LINGO2: variants seen among roughly 807,000 people sequenced by gnomAD.
LINGO2 encodes the protein leucine-rich repeat and immunoglobulin-like domain-containing nogo receptor-interacting protein 2.
A neutral mutation model predicts 30.6 loss-of-function variants in LINGO2; 14 were observed. That is an observed-to-expected ratio of 0.46 (90% CI 0.30 to 0.72). LINGO2 has a LOEUF of 0.72. LINGO2 is among the 30% of genes least tolerant of loss of function. The pLI is 0.07. For missense variants in LINGO2, 729 were observed against 751.7 expected, an observed-to-expected ratio of 0.97 and a Z score of 0.35; for synonymous variants, 317 against 288.5, an observed-to-expected ratio of 1.10 and a Z score of -1.00.
the LINGO2 span, among the ~76,000 whole-genome samples, chr9:28,793,682 C>T: frequency 6.6e-6 from 1 of 152,124 alleles, no homozygotes; most frequent in Non-Finnish European, 1.5e-5. Flanking sequence ...TATAACACAT[C>T]AGAGCAACAG....
the LINGO2 span, among the ~76,000 whole-genome samples, chr9:29,029,528 C>A: frequency 2.6e-5 from 4 of 152,004 alleles, no homozygotes; most frequent in Admixed American, 2.6e-4. Context: ...TCCCCAGAAA[C>A]CCATTATTTG....
intron 4 of LINGO2, among the ~76,000 whole-genome samples, chr9:28,143,848 T>C (rs1164987906): frequency 6.6e-6 from 1 of 152,106 alleles, no homozygotes; most frequent in African/African-American, 2.4e-5. Context: ...AGAAATATTT[T>C]AATCCAGAGA....
the LINGO2 span, among the ~76,000 whole-genome samples, chr9:28,777,318 T>C: frequency 5.3e-5 from 8 of 152,242 alleles, no homozygotes; most frequent in African/African-American, 1.2e-4. Flanking sequence ...AAGGGAGGCA[T>C]AGAAACTTGA....
At chr9:29,026,184 C>T in the LINGO2 span, among the ~76,000 whole-genome samples, 1 of 152,010 alleles carries the variant, frequency 6.6e-6, no homozygotes, top group Non-Finnish European at 1.5e-5. Flanking sequence ...AGGCGCACAC[C>T]ACCATGTCCA....
intron 4 of LINGO2, among the ~76,000 whole-genome samples, chr9:28,109,648 G>C (rs1047025781): frequency 2.0e-5 from 3 of 152,126 alleles, no homozygotes; most frequent in Admixed American, 6.5e-5. Flanking sequence ...ATTCACAATT[G>C]CTTCAAAGAG....
the LINGO2 span, among the ~76,000 whole-genome samples, chr9:28,945,285 T>C: frequency 6.6e-6 from 1 of 152,192 alleles, no homozygotes; most frequent in African/African-American, 2.4e-5. Context: ...TGAAAGCAAC[T>C]GGTTATTAAA....
the LINGO2 span, among the ~76,000 whole-genome samples, chr9:28,731,405 G>A: frequency 6.6e-6 from 1 of 152,100 alleles, no homozygotes; most frequent in African/African-American, 2.4e-5. Flanking sequence ...TAACTTGGTT[G>A]AATCTCCAGG....
At chr9:28,646,622 T>C (rs994976820) in intron 1 of LINGO2, among the ~76,000 whole-genome samples, 1 of 152,096 alleles carries the variant, frequency 6.6e-6, no homozygotes, top group Non-Finnish European at 1.5e-5. Flanking sequence ...ACACTCTTTT[T>C]TCAAGCATCC....
intron 4 of LINGO2, among the ~76,000 whole-genome samples, chr9:28,065,095 C>T (rs1825271829): frequency 1.3e-5 from 2 of 151,764 alleles, no homozygotes; most frequent in African/African-American, 4.8e-5. Flanking sequence ...GGCATAATGC[C>T]CTGCATACAG....
At chr9:29,081,786 T>C in the LINGO2 span, among the ~76,000 whole-genome samples, 238 of 151,636 alleles carry the variant, frequency 1.6e-3, no homozygotes, top group Non-Finnish European at 8.4e-4. Flanking sequence ...TATACACCAA[T>C]AACAGACAGA....
intron 1 of LINGO2, among the ~76,000 whole-genome samples, chr9:28,519,457 C>T (rs527595393): frequency 4.6e-5 from 7 of 152,154 alleles, no homozygotes; most frequent in Admixed American, 6.5e-5. Context: ...TTTTTGGAAA[C>T]GCTGAGCTAT....
chr9:28,591,174 G>A (rs1006243523), intron 1 of LINGO2, among the ~76,000 whole-genome samples: 2 of 151,796 alleles, frequency 1.3e-5, no homozygotes, highest in Admixed American at 6.6e-5. Flanking sequence ...TGGGGGAGGC[G>A]GGAGGGATAG....
chr9:28,095,316 C>A (rs187213061), intron 4 of LINGO2, among the ~76,000 whole-genome samples: 1 of 152,216 alleles, frequency 6.6e-6, no homozygotes, highest in East Asian at 1.9e-4. Context: ...GCAACCGCAG[C>A]ACCAATGTTG....
chr9:28,729,401 A>C, the LINGO2 span, among the ~76,000 whole-genome samples: 1 of 152,252 alleles, frequency 6.6e-6, no homozygotes, highest in Admixed American at 6.5e-5. Flanking sequence ...TGAAAGATAG[A>C]AACCAGAACA....
the LINGO2 span, among the ~76,000 whole-genome samples, chr9:28,679,868 T>A: frequency 0.14 from 21,145 of 151,940 alleles, 1,955 homozygotes; most frequent in African/African-American, 0.26. Flanking sequence ...TCAAAATATG[T>A]ATACACTGTG....
At chr9:28,813,473 T>C in the LINGO2 span, among the ~76,000 whole-genome samples, 4 of 152,120 alleles carry the variant, frequency 2.6e-5, no homozygotes, top group Admixed American at 6.5e-5. Flanking sequence ...CATGGGGAAT[T>C]GAAACTGAGG....
chr9:29,002,298 C>T, the LINGO2 span, among the ~76,000 whole-genome samples: 1 of 151,996 alleles, frequency 6.6e-6, no homozygotes, highest in Admixed American at 6.6e-5. Context: ...ATTATTTAAT[C>T]ATGTTTTGAA....
chr9:29,063,293 A>G, the LINGO2 span, among the ~76,000 whole-genome samples: 1 of 152,178 alleles, frequency 6.6e-6, no homozygotes, highest in African/African-American at 2.4e-5. Flanking sequence ...TGTGGTTTCA[A>G]TCAGACAGTG....
At chr9:28,612,238 T>C (rs1825950300) in intron 1 of LINGO2, among the ~76,000 whole-genome samples, 1 of 152,078 alleles carries the variant, frequency 6.6e-6, no homozygotes, top group Non-Finnish European at 1.5e-5. Flanking sequence ...ATTTTTTTGT[T>C]TTTCAGTAGA....
Sources: gnomAD v4.1 joint callset for allele counts (sites outside exome capture counted in the v4.1 genomes callset) on GRCh38, gnomAD v4.1.1 for gene constraint, MANE v1.5 for transcripts, NCBI Gene and HGNC (gene_info 2026-07-23, HGNC 2026-07-21) for gene names.